LMX1A: variants seen among roughly 807,000 people sequenced by gnomAD.
The protein encoded by LMX1A is LIM homeobox transcription factor 1-alpha.
Under a neutral mutation model 49.1 loss-of-function variants are expected in LMX1A, and 15 were observed. The ratio of observed to expected loss-of-function variants is 0.31; its 90% CI spans 0.20 to 0.47. The LOEUF is 0.47. Among genes scored for constraint, LMX1A ranks in the 20% least tolerant of loss-of-function variants. The probability of loss-of-function intolerance (pLI) is 1.00; values close to 1 mark genes in which losing one functional copy is unlikely to be tolerated. For missense variants in LMX1A, 372 were observed against 475.8 expected (o/e 0.78, Z 2.03); for synonymous variants, 167 against 185.7 (o/e 0.90, Z 0.82).
chr1:165,321,476 T>C (rs936939461), intron 3 of LMX1A, among the ~76,000 whole-genome samples: 2 of 152,304 alleles, frequency 1.3e-5, no homozygotes, highest in South Asian at 2.1e-4. Flanking sequence ...TCCTCTGCAA[T>C]AGCTTCCTTG....
intron 7 of LMX1A, 102 bp from the exon 8 acceptor site, chr1:165,206,136 TG>T: frequency 8.7e-7 from 1 of 1,143,062 alleles, no homozygotes; most frequent in South Asian, 1.6e-5. Flanking sequence ...TGGGATGAGG[TG>T]ACATCAGTGG....
chr1:165,253,084 T>C (rs1165213008), intron 3 of LMX1A, among the ~76,000 whole-genome samples: 1 of 152,162 alleles, frequency 6.6e-6, no homozygotes, highest in Admixed American at 6.5e-5. Flanking sequence ...ATATACTGAG[T>C]GTCTGTTATG....
At chr1:165,284,981 T>C (rs1654264001) in intron 3 of LMX1A, among the ~76,000 whole-genome samples, 1 of 152,236 alleles carries the variant, frequency 6.6e-6, no homozygotes. Flanking sequence ...ATCTGTGAAA[T>C]GGGTTGACCT....
chr1:165,327,299 T>C (rs1571225099), intron 3 of LMX1A, among the ~76,000 whole-genome samples: 1 of 152,206 alleles, frequency 6.6e-6, no homozygotes, highest in Middle Eastern at 3.4e-3. Flanking sequence ...ACCCAAACAA[T>C]GGGCTAACTC....
intron 3 of LMX1A, among the ~76,000 whole-genome samples, chr1:165,349,438 A>G (rs925239983): frequency 3.3e-5 from 5 of 152,218 alleles, no homozygotes; most frequent in African/African-American, 7.2e-5. Flanking sequence ...CTTTTAAAAC[A>G]TCTACACCTA....
At chr1:165,241,570 G>A (rs1231480261) in intron 4 of LMX1A, among the ~76,000 whole-genome samples, 1 of 151,398 alleles carries the variant, frequency 6.6e-6, no homozygotes, top group Non-Finnish European at 1.5e-5. Flanking sequence ...TCAAAGACCT[G>A]TCTAGCTTTA....
chr1:165,224,334 T>C (rs1301570441), intron 4 of LMX1A, among the ~76,000 whole-genome samples: 2 of 152,192 alleles, frequency 1.3e-5, no homozygotes, highest in East Asian at 3.8e-4. Context: ...CACAGTCTCC[T>C]GTATGTCTTT....
intron 3 of LMX1A, among the ~76,000 whole-genome samples, chr1:165,282,649 C>T (rs137928835): frequency 1.3e-5 from 2 of 152,250 alleles, no homozygotes; most frequent in African/African-American, 2.4e-5. Context: ...CTTTGCTATG[C>T]CTCCATCCAT....
At chr1:165,296,978 C>A (rs533021508) in intron 3 of LMX1A, among the ~76,000 whole-genome samples, 1 of 152,194 alleles carries the variant, frequency 6.6e-6, no homozygotes, top group Non-Finnish European at 1.5e-5. Context: ...CAGGAAGGTC[C>A]GCAAACTCCT....
intron 3 of LMX1A, among the ~76,000 whole-genome samples, chr1:165,313,272 G>A (rs1243230939): frequency 6.6e-6 from 1 of 152,090 alleles, no homozygotes; most frequent in Non-Finnish European, 1.5e-5. Flanking sequence ...AAACCAAGAA[G>A]CTGCCCTGCA....
intron 3 of LMX1A, among the ~76,000 whole-genome samples, chr1:165,271,233 G>T (rs1176075679): frequency 6.6e-6 from 1 of 152,110 alleles, no homozygotes; most frequent in East Asian, 1.9e-4. Flanking sequence ...AGAACCCCCT[G>T]GTCCCAGCTC....
intron 5 of LMX1A, among the ~76,000 whole-genome samples, chr1:165,212,125 A>T (rs17403243): frequency 4.3e-4 from 65 of 152,184 alleles, no homozygotes; most frequent in Non-Finnish European, 7.2e-4. Flanking sequence ...GTGAGTCTGC[A>T]GCTGAATCTT....
intron 4 of LMX1A, among the ~76,000 whole-genome samples, chr1:165,243,123 T>C (rs1383320839): frequency 6.6e-6 from 1 of 152,140 alleles, no homozygotes; most frequent in Non-Finnish European, 1.5e-5. Context: ...TTATGTAAAA[T>C]GTTAGCATTA....
chr1:165,320,996 A>G (rs1655368988), intron 3 of LMX1A, among the ~76,000 whole-genome samples: 1 of 152,190 alleles, frequency 6.6e-6, no homozygotes, highest in Non-Finnish European at 1.5e-5. Context: ...CAACCCAAAT[A>G]TCTACCAACA....
intron 3 of LMX1A, among the ~76,000 whole-genome samples, chr1:165,305,421 A>C (rs573429134): frequency 1.3e-5 from 2 of 152,286 alleles, no homozygotes; most frequent in South Asian, 4.2e-4. Flanking sequence ...CAAGCGTGAG[A>C]GGGAACAAAG....
chr1:165,261,793 G>A (rs567788128), intron 3 of LMX1A, among the ~76,000 whole-genome samples: 1 of 152,272 alleles, frequency 6.6e-6, no homozygotes, highest in South Asian at 2.1e-4. Context: ...GACAAATACA[G>A]TATGATGGTA....
At chr1:165,263,324 T>C (rs547172467) in intron 3 of LMX1A, among the ~76,000 whole-genome samples, 19 of 152,306 alleles carry the variant, frequency 1.2e-4, no homozygotes, top group African/African-American at 4.6e-4. Flanking sequence ...ATTCCTGATC[T>C]TTTCCCACCC....
intron 3 of LMX1A, among the ~76,000 whole-genome samples, chr1:165,276,226 C>T (rs1653963472): frequency 6.6e-6 from 1 of 152,184 alleles, no homozygotes; most frequent in Non-Finnish European, 1.5e-5. Context: ...CTACCTTTTC[C>T]TGCTCATTGA....
intron 3 of LMX1A, among the ~76,000 whole-genome samples, chr1:165,279,793 TATCA>T (rs1654091348): frequency 1.3e-5 from 2 of 152,150 alleles, no homozygotes; most frequent in South Asian, 4.1e-4. Flanking sequence ...TCAATAAACA[TATCA>T]ACTGCCCCAA....
Sources: allele counts gnomAD v4.1 joint callset (sites outside exome capture counted in the v4.1 genomes callset), GRCh38; gene constraint gnomAD v4.1.1; transcripts MANE v1.5; gene names NCBI Gene and HGNC (gene_info 2026-07-23, HGNC 2026-07-21).